Variants in POLB observed in about 807,000 individuals in gnomAD.
The protein encoded by POLB is DNA polymerase beta.
A neutral mutation model predicts 52.7 loss-of-function variants in POLB; 37 were observed. The ratio of observed to expected loss-of-function variants is 0.70; its 90% CI spans 0.54 to 0.92. The LOEUF is 0.92. Among genes scored for constraint, POLB ranks in the 40% least tolerant of loss-of-function variants. The probability of loss-of-function intolerance (pLI) is 0.00; values close to 1 mark genes in which losing one functional copy is unlikely to be tolerated. For missense variants in POLB, 313 were observed against 400.8 expected, an observed-to-expected ratio of 0.78 and a Z score of 1.87; for synonymous variants, 138 against 131.3, an observed-to-expected ratio of 1.05 and a Z score of -0.35.
Position 42,339,089 on chromosome 8 carries a change from T to C in POLB, c.119+20T>C. 6.3e-7 allele frequency: 1 copy of C among 1,587,598 alleles called. No individual in the cohort carries two copies. Among genetic ancestry groups the C allele is most frequent in the Non-Finnish European group, 8.7e-7 (1 of 1,155,818 alleles). ...TTACAGGTGGGACAGTGCAGCATTC[T>C]CGGGTAGCATACGTTCTGGGATACC... On this transcript the variant is annotated intron_variant, in intron 2 of 13. Transcript: ENST00000265421.
In POLB at chr8:42,338,707, G is replaced by C. The variant is rs768177415; in HGVS notation, c.61+22G>C. ...ACAGGTTAGCACCGGGCCGGGCCCC[G>C]CTGGCTTTCTTCTTTCCTTCCAGCC... On this transcript the variant is annotated intron_variant, in intron 1 of 13. Coordinates refer to ENST00000265421, the MANE Select transcript of POLB (RefSeq NM_002690.3). 13 of 1,609,694 alleles carry C rather than the reference G, an allele frequency of 8.1e-6. No homozygotes were observed. The African/African-American group carries it at 1.7e-4, about 22-fold the overall frequency.
rs746271125 is a variant in POLB, at chr8:42,350,104, G to GT, written c.320+42dup. On this transcript the variant is annotated intron_variant, in intron 5 of 13. Transcript: ENST00000265421. Reference sequence around the variant, plus strand: ...TTTAAGCAGACACAATCGTCAGTTAGTTTATTTTTCCTGTTAGCCAAAGTA... The same window carrying GT: ...TTTAAGCAGACACAATCGTCAGTTAGTTTTATTTTTCCTGTTAGCCAAAGTA... 6 of 1,368,754 alleles carry GT rather than the reference G, an allele frequency of 4.4e-6. No individual in the cohort carries two copies. In the South Asian group the frequency reaches 7.0e-5, roughly 16 times the overall value. The allele number at this position is 1,368,754 out of a possible 1,614,324, so 84.8% of individuals were successfully genotyped here. A position where few individuals can be genotyped will look rare whatever the true frequency, so the allele number is the denominator to read the frequency against.
chr8:42,354,842 C>T (rs1823201857), intron 6 of POLB, among the ~76,000 whole-genome samples: 1 of 151,810 alleles, frequency 6.6e-6, no homozygotes, highest in African/African-American at 2.4e-5. Context: ...GTGCCCGGCT[C>T]AACAGGATTT....
At chr8:42,352,891 A>C (rs953819582) in intron 6 of POLB, among the ~76,000 whole-genome samples, 1 of 152,044 alleles carries the variant, frequency 6.6e-6, no homozygotes, top group African/African-American at 2.4e-5. Context: ...TCTGGCCAAC[A>C]TGGTGAAACC....
intron 13 of POLB, 191 bp downstream of exon 13, chr8:42,370,179 A>G (rs1352414318): frequency 2.9e-6 from 2 of 681,036 alleles, no homozygotes; most frequent in Non-Finnish European, 5.4e-6. Flanking sequence ...GAAGGCCATC[A>G]AGGCAAGCGT....
At chr8:42,347,218 G>C (rs927472020) in intron 3 of POLB, among the ~76,000 whole-genome samples, 2 of 151,252 alleles carry the variant, frequency 1.3e-5, no homozygotes, top group Admixed American at 1.3e-4. Context: ...AATTATTGAA[G>C]AATCACAGAG....
In POLB at chr8:42,366,967, G is replaced by C. The variant is rs963564536; in HGVS notation, c.709-2304G>C. Among the ~76,000 whole-genome samples, 10 of 152,314 alleles carry C rather than the reference G, an allele frequency of 6.6e-5. No individual in the cohort carries two copies. The East Asian group carries it at 1.9e-3, about 29-fold the overall frequency. On this transcript the variant is annotated intron_variant, in intron 11 of 13. Coordinates refer to ENST00000265421, the MANE Select transcript of POLB (RefSeq NM_002690.3). Reference sequence around the variant, plus strand: ...GCTGCACAAATATAAGATGTCATCTGTGTGGAAATGGGTCAGTAGAGGCAG... The same window carrying C: ...GCTGCACAAATATAAGATGTCATCTCTGTGGAAATGGGTCAGTAGAGGCAG...
In POLB at chr8:42,338,519, TG is replaced by T. The variant is rs1323708389; in HGVS notation, c.-103del. ...ATTGTTCCGCCGGTCGCGCCGGAGCTGGGTTGCTCCTGCTCCCGTCTCCAAG... is the reference window on the plus strand; with the variant it reads ...ATTGTTCCGCCGGTCGCGCCGGAGCTGGTTGCTCCTGCTCCCGTCTCCAAG... On this transcript the variant is annotated 5_prime_UTR_variant, in exon 1 of 14. Coordinates refer to ENST00000265421, the MANE Select transcript of POLB (RefSeq NM_002690.3). The T allele has an allele frequency of 4.0e-5, 39 of 972,082 alleles. No homozygotes were observed. Among genetic ancestry groups the T allele is most frequent in the Non-Finnish European group, 5.9e-5 (36 of 605,052 alleles). 60.2% of individuals were successfully genotyped at this position (972,082 alleles called of 1,614,324 possible). A position where few individuals can be genotyped will look rare whatever the true frequency, so the allele number is the denominator to read the frequency against.
intron 2 of POLB, chr8:42,341,937 TCTC>T: frequency 1.5e-6 from 1 of 682,796 alleles, no homozygotes; most frequent in Non-Finnish European, 2.7e-6. Flanking sequence ...TGAGCTTTCA[TCTC>T]CTTCATCATG....
intron 13 of POLB, among the ~76,000 whole-genome samples, chr8:42,370,531 C>T (rs1824318051): frequency 1.3e-5 from 2 of 152,010 alleles, no homozygotes; most frequent in African/African-American, 4.8e-5. Flanking sequence ...ATACTTTGTC[C>T]TCAAAGTATA....
At chr8:42,353,817 G>C (rs1823133328) in intron 6 of POLB, among the ~76,000 whole-genome samples, 1 of 152,070 alleles carries the variant, frequency 6.6e-6, no homozygotes, top group Admixed American at 6.6e-5. Context: ...TACAAAATGG[G>C]TATTTCTGCT....
At chr8:42,371,503 C>G (rs569486247) in intron 13 of POLB, 60 bp from the exon 14 acceptor site, 8 of 856,862 alleles carry the variant, frequency 9.3e-6, no homozygotes, top group South Asian at 1.9e-5. Flanking sequence ...AATCTTGAAC[C>G]CTCTATAACT....
chr8:42,342,511 T>C, intron 2 of POLB: 1 of 933,814 alleles, frequency 1.1e-6, no homozygotes, highest in Admixed American at 1.7e-5. Flanking sequence ...GTTGTATTTA[T>C]TTTTATCCTG....
chr8:42,365,873 G>T (rs1024892283), intron 11 of POLB, among the ~76,000 whole-genome samples: 3 of 152,160 alleles, frequency 2.0e-5, no homozygotes, highest in Non-Finnish European at 4.4e-5. Context: ...GCTGAGGCAG[G>T]TGAATCACCT....
At chr8:42,339,376 A>G (rs552651292) in intron 2 of POLB, 16 of 374,386 alleles carry the variant, frequency 4.3e-5, no homozygotes, top group South Asian at 4.0e-4. Context: ...GATGAAGTCC[A>G]TACTGTGAAA....
chr8:42,338,662 G>C lies in POLB; in HGVS notation c.38G>C (p.Gly13Ala). 5.0e-6 allele frequency: 8 copies of C among 1,614,194 alleles called. No homozygotes were observed. Among genetic ancestry groups the C allele is most frequent in the Non-Finnish European group, 6.8e-6 (8 of 1,180,002 alleles). Residue 13 changes from glycine (G) to alanine (A), a missense_variant, in exon 1 of 14, where the codon GGG becomes GCG. Gly to Ala is a moderately conservative substitution (Grantham distance 60). This residue lies in a region of POLB where 54 missense variants were observed against 63.4 expected (regional missense o/e 0.85). Transcript: ENST00000265421. ...AAGGCGCCGCAGGAGACTCTCAACG[G>C]GGGAATCACCGACATGCTCACAGGT... ...KRKAPQETLN[G>A]GITDMLTELA...
In POLB at chr8:42,371,485, C is replaced by G. The variant is rs1824392496; in HGVS notation, c.914-78C>G. On this transcript the variant is annotated intron_variant, in intron 13 of 13. Coordinates refer to ENST00000265421, the MANE Select transcript of POLB (RefSeq NM_002690.3). ...TTTTCTTCTGAAAGCAAGTCCCACA[C>G]AGCTCTTAATCTTGAACCCTCTATA... 6.1e-6 allele frequency: 4 copies of G among 650,690 alleles called. No homozygotes were observed. In the East Asian group the frequency reaches 1.1e-4, roughly 18 times the overall value. The allele number at this position is 650,690 out of a possible 1,614,324, so 40.3% of individuals were successfully genotyped here. A position where few individuals can be genotyped will look rare whatever the true frequency, so the allele number is the denominator to read the frequency against.
At chr8:42,351,203 G>T (rs1029668613) in intron 5 of POLB, among the ~76,000 whole-genome samples, 6 of 151,982 alleles carry the variant, frequency 3.9e-5, no homozygotes, top group Non-Finnish European at 7.4e-5. Flanking sequence ...TTTTTTCTAG[G>T]CAAGAGAACT....
At chr8:42,343,319 C>G (rs1359915939) in intron 2 of POLB, among the ~76,000 whole-genome samples, 2 of 5,800 alleles carry the variant, frequency 3.4e-4, no homozygotes, top group Non-Finnish European at 5.4e-4. Context: ...AAGACTGCGT[C>G]TCAAAAAAAA....
Sources: gnomAD v4.1 joint callset for allele counts (sites outside exome capture counted in the v4.1 genomes callset) on GRCh38, gnomAD v4.1.1 for gene constraint, gnomAD v4.1.1 regional missense constraint, MANE v1.5 for transcripts, NCBI Gene and HGNC (gene_info 2026-07-23, HGNC 2026-07-21) for gene names.